The following HEPHL1 variants were observed in gnomAD, a reference collection of about 807,000 sequenced individuals.
HEPHL1 encodes the protein hephaestin like 1.
Under a neutral mutation model 122.0 loss-of-function variants are expected in HEPHL1, and 123 were observed. That is an observed-to-expected ratio of 1.01 (90% CI 0.87 to 1.17). HEPHL1 has a LOEUF of 1.17. Ranked by LOEUF, HEPHL1 falls within the 50% of genes most tolerant of loss-of-function variation. HEPHL1 has a pLI of 0.00. For missense variants in HEPHL1, 1,452 were observed against 1,430.5 expected (o/e 1.01, Z -0.24); for synonymous variants, 527 against 508.9 (o/e 1.04, Z -0.48).
At chr11:94,042,521 T>C (rs1351532394) in intron 1 of HEPHL1, among the ~76,000 whole-genome samples, 1 of 149,346 alleles carries the variant, frequency 6.7e-6, no homozygotes, top group Non-Finnish European at 1.5e-5. Context: ...GTGGCACATA[T>C]ACACCATGGA....
intron 4 of HEPHL1, 63 bp downstream of exon 4, chr11:94,064,573 G>A (rs1946018641): frequency 4.5e-6 from 5 of 1,103,936 alleles, no homozygotes; most frequent in Non-Finnish European, 6.6e-6. Flanking sequence ...TACTACAAGG[G>A]ATAAAAAATA....
chr11:94,044,584 C>G (rs889461378), intron 1 of HEPHL1, among the ~76,000 whole-genome samples: 1 of 152,248 alleles, frequency 6.6e-6, no homozygotes, highest in African/African-American at 2.4e-5. Flanking sequence ...CTTCCTAGAC[C>G]TGTGCACCAG....
Position 94,111,853 on chromosome 11 carries a change from C to A in HEPHL1, c.3439C>A (p.Gln1147Lys). 6.5e-7 allele frequency: 1 copy of A among 1,532,310 alleles called. No individual in the cohort carries two copies. Among genetic ancestry groups the A allele is most frequent in the Non-Finnish European group, 8.8e-7 (1 of 1,142,228 alleles). The allele number at this position is 1,532,310 out of a possible 1,614,324, so 94.9% of individuals were successfully genotyped here. Reference protein sequence around the residue: ...LCSAMKQTDYQQVQSCALPTD... With the variant: ...LCSAMKQTDYKQVQSCALPTD... The stretch of plus-strand genomic sequence containing the variant: ...CTCTGCAATGAAGCAGACAGATTAC[C>A]AGCAAGTCCAGTCCTGTGCTCTCCC... Residue 1147 changes from glutamine to lysine, a missense_variant, in exon 20 of 20, where the codon CAG (glutamine) becomes AAG (lysine). Physicochemically the swap from Gln to Lys is moderately conservative, Grantham distance 53. Coordinates refer to ENST00000315765, the MANE Select transcript of HEPHL1 (RefSeq NM_001098672.2).
chr11:94,093,186 C>T (rs895067066), intron 12 of HEPHL1, among the ~76,000 whole-genome samples: 2 of 151,850 alleles, frequency 1.3e-5, no homozygotes, highest in African/African-American at 4.8e-5. Flanking sequence ...AGAAGAGAGG[C>T]GCAACCTCAA....
At position 94,067,559 on chromosome 11, in the gene HEPHL1, C is replaced by T. The variant is rs780880690; in HGVS notation, c.872C>T (p.Ser291Phe). 3 of 1,613,618 alleles carry T rather than the reference C, an allele frequency of 1.9e-6. No homozygotes were observed. The highest frequency in any genetic ancestry group is 1.7e-5 in the Admixed American group (1 of 60,000). ...EPDMCVGESV[S>F]WHLFGMGNEI... ...GATATGTGTGTTGGAGAATCTGTGT[C>T]CTGGCACCTATTTGGAATGGGGAAT... The change falls in exon 5 of 20, where the codon TCC becomes TTC. Residue 291 changes from serine (S) to phenylalanine (F), a missense_variant. Physicochemically the swap from Ser to Phe is radical, Grantham distance 155. Transcript: ENST00000315765.
In HEPHL1 at chr11:94,085,987, C is replaced by A. The variant is rs1251207677; in HGVS notation, c.1878C>A (p.Gly626=). 4 of 1,613,564 alleles carry A rather than the reference C, an allele frequency of 2.5e-6. No homozygotes were observed. The African/African-American group carries it at 4.0e-5, about 16-fold the overall frequency. ...TCTTCTTCCATTTAGCTGTTAACGG[C>A]TACATGTATGGCAACCAGCCAGGCT... ...VKSNRMHAVN[G]YMYGNQPGLN... Residue 626 remains glycine (G), a synonymous_variant, in exon 11 of 20, where the codon GGC becomes GGA. Coordinates refer to ENST00000315765, the MANE Select transcript of HEPHL1 (RefSeq NM_001098672.2).
At chr11:94,046,112 TGAGAGGTAG>T (rs1317737871) in intron 2 of HEPHL1, among the ~76,000 whole-genome samples, 195 bp downstream of exon 2, 81 of 142,382 alleles carry the variant, frequency 5.7e-4, no homozygotes, top group Non-Finnish European at 1.0e-3. Context: ...TTTTTTTTTT[TGAGAGGTAG>T]TCTCACTCTG....
rs139559150 is a variant in HEPHL1, at chr11:94,111,388, C to T, written c.3209-149C>T. 521 of 707,706 alleles carry T rather than the reference C, an allele frequency of 7.4e-4. 5 individuals are homozygous for T. In the African/African-American group the frequency reaches 7.6e-3, roughly 10 times the overall value. The allele number at this position is 707,706 out of a possible 1,614,324, so 43.8% of individuals were successfully genotyped here. On this transcript the variant is annotated intron_variant, in intron 18 of 19. Coordinates refer to ENST00000315765, the MANE Select transcript of HEPHL1 (RefSeq NM_001098672.2). Reference sequence around the variant, plus strand: ...GACAGCTGGGGCAGGAAAGCATGTACATGGGAATGAAGTAGCACAGTAAGA... The same window carrying T: ...GACAGCTGGGGCAGGAAAGCATGTATATGGGAATGAAGTAGCACAGTAAGA...
At chr11:94,042,724 G>A (rs1390388335) in intron 1 of HEPHL1, among the ~76,000 whole-genome samples, 2 of 122,990 alleles carry the variant, frequency 1.6e-5, no homozygotes, top group Non-Finnish European at 3.4e-5. Flanking sequence ...GGGGACTGTG[G>A]TGGGGTGGGG....
At chr11:94,079,804 G>C (rs966208772) in intron 9 of HEPHL1, among the ~76,000 whole-genome samples, 4 of 152,124 alleles carry the variant, frequency 2.6e-5, no homozygotes, top group Non-Finnish European at 1.5e-5. Flanking sequence ...GAGAGATATG[G>C]TCAGATGACA....
At chr11:94,082,593 G>C in intron 10 of HEPHL1, 25 bp downstream of exon 10, 1 of 1,589,706 alleles carries the variant, frequency 6.3e-7, no homozygotes, top group South Asian at 1.1e-5. Flanking sequence ...ATTCCCGCCT[G>C]TAAATGAAAG....
intron 2 of HEPHL1, among the ~76,000 whole-genome samples, chr11:94,062,094 G>A (rs1335950200): frequency 6.6e-6 from 1 of 151,854 alleles, no homozygotes; most frequent in Non-Finnish European, 1.5e-5. Context: ...ATTCTTTTTA[G>A]AATAAAAGTA....
intron 1 of HEPHL1, among the ~76,000 whole-genome samples, chr11:94,022,914 A>G (rs1289119711): frequency 1.3e-5 from 2 of 152,222 alleles, no homozygotes; most frequent in Non-Finnish European, 2.9e-5. Context: ...ACTGAGTGTA[A>G]TGAATATAGC....
At chr11:94,071,601 C>T (rs552799321) in intron 6 of HEPHL1, among the ~76,000 whole-genome samples, 1 of 152,176 alleles carries the variant, frequency 6.6e-6, no homozygotes, top group African/African-American at 2.4e-5. Context: ...TATGAAAGCA[C>T]AAAGTGCAAG....
At chr11:94,098,925 TC>T (rs1424574401) in intron 13 of HEPHL1, among the ~76,000 whole-genome samples, 4 of 152,200 alleles carry the variant, frequency 2.6e-5, no homozygotes, top group Non-Finnish European at 1.5e-5. Context: ...TAATCTTTTT[TC>T]AAGGTTTTTA....
intron 1 of HEPHL1, 43 bp from the exon 2 acceptor site, chr11:94,045,630 C>T: frequency 1.3e-6 from 2 of 1,512,044 alleles, no homozygotes; most frequent in South Asian, 1.2e-5. Flanking sequence ...ATTAGGTCTT[C>T]TCTTTTCATT....
At chr11:94,029,386 C>G (rs180839971) in intron 1 of HEPHL1, among the ~76,000 whole-genome samples, 1 of 152,252 alleles carries the variant, frequency 6.6e-6, no homozygotes, top group Admixed American at 6.5e-5. Flanking sequence ...CACTCACAGC[C>G]AATTTGCCAG....
In HEPHL1 at chr11:94,093,644, T is replaced by C; in HGVS notation, c.2434+4T>C. 1 of 1,611,956 alleles carries C rather than the reference T, an allele frequency of 6.2e-7. No individual in the cohort carries two copies. The highest frequency in any genetic ancestry group is 1.1e-5 in the South Asian group (1 of 90,912). ...GAGGAGCACTTAGAACTCCTGGGTA[T>C]GGCACAGATTTCAGGCGTGCACTGT... On this transcript the variant is annotated splice_donor_region_variant and intron_variant, in intron 13 of 19. Transcript: ENST00000315765.
intron 13 of HEPHL1, among the ~76,000 whole-genome samples, chr11:94,098,845 C>T (rs1325259553): frequency 6.6e-6 from 1 of 152,166 alleles, no homozygotes; most frequent in Non-Finnish European, 1.5e-5. Context: ...AGTTCTCGTG[C>T]CATGGTTTTC....
Sources: gnomAD v4.1 joint callset for allele counts (sites outside exome capture counted in the v4.1 genomes callset) on GRCh38, gnomAD v4.1.1 for gene constraint, MANE v1.5 for transcripts, NCBI Gene and HGNC (gene_info 2026-07-23, HGNC 2026-07-21) for gene names.